CNR1: variants seen among roughly 807,000 people sequenced by gnomAD.
The protein encoded by CNR1 is cannabinoid receptor 1 (brain).
In CNR1, 10 loss-of-function variants were observed where a neutral mutation model predicts 23.0. The ratio of observed to expected loss-of-function variants is 0.43; its 90% CI spans 0.27 to 0.74. The LOEUF (loss-of-function observed/expected upper bound fraction) is 0.74. CNR1 is among the 30% of genes least tolerant of loss of function. The pLI is 0.19. For synonymous variants in CNR1, 271 were observed against 255.2 expected, an observed-to-expected ratio of 1.06 and a Z score of -0.59; for missense variants, 422 against 618.8, an observed-to-expected ratio of 0.68 and a Z score of 3.37.
chr6:88,149,276 C>A (rs1219428601), intron 1 of CNR1, among the ~76,000 whole-genome samples: 1 of 152,234 alleles, frequency 6.6e-6, no homozygotes, highest in Non-Finnish European at 1.5e-5. Context: ...TACCCTCAGC[C>A]TGGCTCCAAT....
chr6:88,149,096 C>T (rs1777377799), intron 1 of CNR1, among the ~76,000 whole-genome samples: 2 of 152,308 alleles, frequency 1.3e-5, no homozygotes, highest in African/African-American at 4.8e-5. Context: ...CAGAGGCACC[C>T]AGTGTGCTGG....
At chr6:88,153,698 T>C (rs199710548) in intron 1 of CNR1, among the ~76,000 whole-genome samples, 2 of 152,364 alleles carry the variant, frequency 1.3e-5, no homozygotes, top group East Asian at 3.9e-4. Flanking sequence ...AACAAGTCTG[T>C]TTTCTACTAA....
At chr6:88,146,286 A>C (rs1777180197) in intron 1 of CNR1, among the ~76,000 whole-genome samples, 1 of 151,988 alleles carries the variant, frequency 6.6e-6, no homozygotes, top group Non-Finnish European at 1.5e-5. Context: ...TTGTATTTTT[A>C]GTAGAGACAG....
chr6:88,166,822 G>A (rs9344756), upstream of CNR1, among the ~76,000 whole-genome samples: 79,562 of 151,632 alleles, frequency 0.52, 21,691 homozygotes, highest in East Asian at 0.77. Flanking sequence ...GAGCCCAGAG[G>A]CCGAGGCGCG....
At chr6:88,146,844 G>C (rs806372) in intron 1 of CNR1, among the ~76,000 whole-genome samples, 21,731 of 152,134 alleles carry the variant, frequency 0.14, 2,173 homozygotes, top group East Asian at 0.5. Context: ...TAAAAATGTT[G>C]AACTAACAAT....
Position 88,143,980 on chromosome 6 carries a change from A to G in CNR1, c.1295T>C (p.Leu432Pro), listed in dbSNP as rs1053817320. Residue 432 changes from leucine (L) to proline (P), a missense_variant, in exon 2 of 2, where the codon CTG (leucine) becomes CCG (proline). Transcript: ENST00000369501. Reference protein sequence around the residue: ...LDNSMGDSDCLHKHANNAASV... With the variant: ...LDNSMGDSDCPHKHANNAASV... ...GGCTGCATTGTTTGCGTGTTTGTGC[A>G]GGCAGTCCGAGTCCCCCATGCTGTT... 2 of 1,614,034 alleles carry G rather than the reference A, an allele frequency of 1.2e-6. No individual in the cohort carries two copies. Among genetic ancestry groups the G allele is most frequent in the Admixed American group, 3.3e-5 (2 of 60,018 alleles).
Position 88,140,646 on chromosome 6 carries a change from T to C in CNR1, c.*3210A>G, listed in dbSNP as rs1441329685. The C allele has an allele frequency of 3.8e-4, 58 of 152,396 alleles. 1 individual carries two copies. Among genetic ancestry groups the C allele is most frequent in the Admixed American group, 3.8e-3 (58 of 15,286 alleles). 9.4% of individuals were successfully genotyped at this position (152,396 alleles called of 1,614,324 possible). A position where few individuals can be genotyped will look rare whatever the true frequency, so the allele number is the denominator to read the frequency against. On this transcript the variant is annotated 3_prime_UTR_variant, in exon 2 of 2. Transcript: ENST00000369501. ...TGCATGATATGGGTGGTCTCTTTTA[T>C]GGACATGAAATGGCAGAAATTAATC...
chr6:88,153,375 A>G (rs540083300), intron 1 of CNR1, among the ~76,000 whole-genome samples: 1 of 152,306 alleles, frequency 6.6e-6, no homozygotes, highest in South Asian at 2.1e-4. Context: ...CTAGGCTGAA[A>G]ACACTGTAGA....
Position 88,145,329 on chromosome 6 carries a change from G to A in CNR1, c.-55C>T. 3.5e-6 allele frequency: 5 copies of A among 1,426,716 alleles called. No individual in the cohort carries two copies. Among genetic ancestry groups the A allele is most frequent in the Non-Finnish European group, 4.8e-6 (5 of 1,037,954 alleles). 88.4% of individuals were successfully genotyped at this position (1,426,716 alleles called of 1,614,324 possible). Reference sequence around the variant, plus strand: ...AAATGACTGAGAAAGTGACCCACAGGGGGCAATCCTAAGAGGAGGGAAAAC... The same window carrying A: ...AAATGACTGAGAAAGTGACCCACAGAGGGCAATCCTAAGAGGAGGGAAAAC... On this transcript the variant is annotated 5_prime_UTR_variant, in exon 2 of 2. Coordinates refer to ENST00000369501, the MANE Select transcript of CNR1 (RefSeq NM_016083.6).
upstream of CNR1, among the ~76,000 whole-genome samples, chr6:88,166,980 G>T (rs1365145331): frequency 6.6e-6 from 1 of 151,878 alleles, no homozygotes; most frequent in Admixed American, 6.6e-5. Context: ...CTGCGGTCGC[G>T]CGGCCACCTG....
intron 1 of CNR1, chr6:88,164,313 C>T (rs1778257123): frequency 6.6e-6 from 1 of 152,352 alleles, no homozygotes; most frequent in Admixed American, 6.5e-5. Flanking sequence ...CAAAAAGAGT[C>T]GGTTTACAGT....
chr6:88,149,759 C>A (rs1777420349), intron 1 of CNR1, among the ~76,000 whole-genome samples: 1 of 152,208 alleles, frequency 6.6e-6, no homozygotes, highest in Non-Finnish European at 1.5e-5. Context: ...TGTCTGAGAC[C>A]TTCCTGACCA....
chr6:88,147,138 A>G (rs1777237745), intron 1 of CNR1, among the ~76,000 whole-genome samples: 1 of 152,214 alleles, frequency 6.6e-6, no homozygotes, highest in South Asian at 2.1e-4. Context: ...TAAAAATAAA[A>G]AGAAATTTAA....
chr6:88,140,005 G>A lies in CNR1; in HGVS notation c.*3851C>T, dbSNP rs531076890. 1 of 152,626 alleles carries A rather than the reference G, an allele frequency of 6.6e-6. No individual in the cohort carries two copies. The highest frequency in any genetic ancestry group is 2.1e-4 in the South Asian group (1 of 4,816). The allele number at this position is 152,626 out of a possible 1,614,324, so 9.5% of individuals were successfully genotyped here. ...AAATATACTGTGGGCTTAATACATT[G>A]TAAATATTACAGAAGAAGTACTACT... On this transcript the variant is annotated 3_prime_UTR_variant, in exon 2 of 2. Coordinates refer to ENST00000369501, the MANE Select transcript of CNR1 (RefSeq NM_016083.6).
chr6:88,145,143 G>T lies in CNR1; in HGVS notation c.132C>A (p.Phe44Leu). 3 of 1,614,226 alleles carry T rather than the reference G, an allele frequency of 1.9e-6. No homozygotes were observed. The highest frequency in any genetic ancestry group is 2.5e-6 in the Non-Finnish European group (3 of 1,180,052). Residue 44 changes from phenylalanine to leucine, a missense_variant, in exon 2 of 2, where the codon TTC (phenylalanine) becomes TTA (leucine). Transcript: ENST00000369501. ...AGGAAGTTAAAGGGAATTTCTGTGG[G>T]AAGTACCCTAATTTGGATGCCATGT... is the stretch of plus-strand genomic sequence containing the variant. ...KGDMASKLGY[F>L]PQKFPLTSFR...
intron 1 of CNR1, among the ~76,000 whole-genome samples, chr6:88,159,027 A>C (rs1777948337): frequency 6.6e-6 from 1 of 152,182 alleles, no homozygotes; most frequent in Non-Finnish European, 1.5e-5. Flanking sequence ...TTCAAAATGT[A>C]ATGTGTACTG....
chr6:88,162,600 C>CATTTCTCTGAGG (rs573547780), intron 1 of CNR1, among the ~76,000 whole-genome samples: 569 of 152,292 alleles, frequency 3.7e-3, no homozygotes, highest in Non-Finnish European at 6.4e-3. Flanking sequence ...ATAAAGTTAC[C>CATTTCTCTGAGG]ATTTCTCTGA....
Position 88,142,351 on chromosome 6 carries a change from C to T in CNR1, c.*1505G>A, listed in dbSNP as rs2127822254. On this transcript the variant is annotated 3_prime_UTR_variant, in exon 2 of 2. Coordinates refer to ENST00000369501, the MANE Select transcript of CNR1 (RefSeq NM_016083.6). Reference sequence around the variant, plus strand: ...TGATGTATATAGTGCATACTATCTACACACGCTATTGAAAAATGTTACCAT... The same window carrying T: ...TGATGTATATAGTGCATACTATCTATACACGCTATTGAAAAATGTTACCAT... The T allele has an allele frequency of 6.6e-6, 1 of 152,220 alleles. No homozygotes were observed. The highest frequency in any genetic ancestry group is 1.9e-4 in the East Asian group (1 of 5,328). 9.4% of individuals were successfully genotyped at this position (152,220 alleles called of 1,614,324 possible). A position where few individuals can be genotyped will look rare whatever the true frequency, so the allele number is the denominator to read the frequency against.
intron 1 of CNR1, among the ~76,000 whole-genome samples, chr6:88,148,169 C>A (rs1180516743): frequency 1.3e-5 from 2 of 152,222 alleles, no homozygotes; most frequent in African/African-American, 4.8e-5. Flanking sequence ...CCCATTGCCC[C>A]TTACACTCCC....
Sources: gnomAD v4.1 joint callset for allele counts (sites outside exome capture counted in the v4.1 genomes callset) on GRCh38, gnomAD v4.1.1 for gene constraint, MANE v1.5 for transcripts, NCBI Gene and HGNC (gene_info 2026-07-23, HGNC 2026-07-21) for gene names.